LIMK1: variants seen among roughly 807,000 people sequenced by gnomAD.
LIMK1 encodes the protein LIM domain kinase 1.
A neutral mutation model predicts 77.6 loss-of-function variants in LIMK1; 21 were observed. The ratio of observed to expected loss-of-function variants is 0.27; its 90% CI spans 0.19 to 0.39. The LOEUF is 0.39. LIMK1 is among the 10% of genes least tolerant of loss of function. The pLI is 1.00. For synonymous variants in LIMK1, 358 were observed against 370.0 expected, an observed-to-expected ratio of 0.97 and a Z score of 0.37; for missense variants, 696 against 901.6, an observed-to-expected ratio of 0.77 and a Z score of 2.92.
intron 13 of LIMK1, among the ~76,000 whole-genome samples, chr7:74,117,453 A>T (rs1380378093): frequency 1.3e-5 from 2 of 152,134 alleles, no homozygotes; most frequent in African/African-American, 4.8e-5. Context: ...AGTCCCAGGG[A>T]TCAGGACGCA....
At position 74,117,723 on chromosome 7, in the gene LIMK1, T is replaced by G. The variant is rs79234424; in HGVS notation, c.1567+1765T>G. 4.6e-5 allele frequency among the ~76,000 whole-genome samples: 7 copies of G among 152,152 alleles called. No homozygotes were observed. In the East Asian group the frequency reaches 1.4e-3, roughly 29 times the overall value. ...TACTCAGGAAGCCAAAGCGGGAGAT[T>G]TACTTGAGCCAAGGAGATCAAGGCT... On this transcript the variant is annotated intron_variant, in intron 13 of 15. Transcript: ENST00000336180.
At chr7:74,090,334 C>A (rs1357331299) in intron 2 of LIMK1, among the ~76,000 whole-genome samples, 5 of 151,488 alleles carry the variant, frequency 3.3e-5, no homozygotes, top group African/African-American at 1.2e-4. Flanking sequence ...AAGATCGCGC[C>A]ACTGCACTCT....
At position 74,099,208 on chromosome 7, in the gene LIMK1, C is replaced by T. The variant is rs782226834; in HGVS notation, c.578C>T (p.Thr193Ile). The change falls in exon 5 of 16, where the codon ACC becomes ATC. Residue 193 changes from threonine to isoleucine, a missense_variant. Transcript: ENST00000336180. Reference protein sequence around the residue: ...DPPHGPPGCGTEHSHTVRVQG... With the variant: ...DPPHGPPGCGIEHSHTVRVQG... ...CCGCACGGCCCACCGGGCTGTGGCACCGAGCACTCACACACCGTCCGCGTC... is the reference window on the plus strand; with the variant it reads ...CCGCACGGCCCACCGGGCTGTGGCATCGAGCACTCACACACCGTCCGCGTC... 10 of 1,608,746 alleles carry T rather than the reference C, an allele frequency of 6.2e-6. No individual in the cohort carries two copies. In the East Asian group the frequency reaches 8.9e-5, roughly 14 times the overall value.
chr7:74,116,220 C>T (rs1584131808), intron 13 of LIMK1, among the ~76,000 whole-genome samples: 2 of 152,204 alleles, frequency 1.3e-5, no homozygotes, highest in African/African-American at 4.8e-5. Context: ...ATGGTGAAAC[C>T]CCCATTCTTT....
intron 5 of LIMK1, among the ~76,000 whole-genome samples, chr7:74,101,007 G>GATTACA (rs1799448744): frequency 6.6e-6 from 1 of 151,854 alleles, no homozygotes; most frequent in African/African-American, 2.4e-5. Flanking sequence ...AAAGTGCTGC[G>GATTACA]ATTACAGGCA....
chr7:74,116,545 G>A (rs888040106), intron 13 of LIMK1, among the ~76,000 whole-genome samples: 13 of 152,160 alleles, frequency 8.5e-5, no homozygotes, highest in African/African-American at 1.7e-4. Context: ...TGCAGGCTCC[G>A]GGGCACCTGT....
intron 4 of LIMK1, among the ~76,000 whole-genome samples, chr7:74,097,872 A>G (rs1563915440): frequency 6.6e-6 from 1 of 152,216 alleles, no homozygotes; most frequent in African/African-American, 2.4e-5. Context: ...CTACAAATTC[A>G]GGGACTCCCA....
chr7:74,084,135 C>CAGGGG, intron 1 of LIMK1, 90 bp downstream of exon 1: 3 of 615,802 alleles, frequency 4.9e-6, no homozygotes, highest in Non-Finnish European at 5.2e-6. Context: ...TGCCAGGAGG[C>CAGGGG]CGCGCCCCTG....
chr7:74,091,270 T>C (rs1799229338), intron 2 of LIMK1, among the ~76,000 whole-genome samples: 1 of 150,486 alleles, frequency 6.6e-6, no homozygotes, highest in South Asian at 2.2e-4. Context: ...ACGCCTGTAA[T>C]CCCAGCACTT....
intron 9 of LIMK1, among the ~76,000 whole-genome samples, 182 bp from the exon 10 acceptor site, chr7:74,108,723 G>C (rs1799634157): frequency 6.6e-6 from 1 of 151,760 alleles, no homozygotes; most frequent in South Asian, 2.1e-4. Flanking sequence ...GCTGGGGGTG[G>C]GGGCAGCTCA....
At chr7:74,086,252 C>G (rs1027172894) in intron 2 of LIMK1, among the ~76,000 whole-genome samples, 1 of 152,036 alleles carries the variant, frequency 6.6e-6, no homozygotes, top group Non-Finnish European at 1.5e-5. Flanking sequence ...GCCATGTTAG[C>G]CAGGCTGGTC....
chr7:74,096,636 G>A lies in LIMK1; in HGVS notation c.167G>A (p.Ser56Asn). Residue 56 changes from serine (S) to asparagine (N), a missense_variant, in exon 3 of 16, where the codon AGT becomes AAT. This residue lies in a region of LIMK1 where 252 missense variants were observed against 279.4 expected (regional missense o/e 0.90). Coordinates refer to ENST00000336180, the MANE Select transcript of LIMK1 (RefSeq NM_002314.4). ...HADCFRCCDC[S>N]ASLSHQYYEK... ...CTCTCCTGCAGGTGTTGTGACTGCAGTGCCTCCCTGTCGCACCAGTACTAT... is the reference window on the plus strand; with the variant it reads ...CTCTCCTGCAGGTGTTGTGACTGCAATGCCTCCCTGTCGCACCAGTACTAT... 1 of 1,614,070 alleles carries A rather than the reference G, an allele frequency of 6.2e-7. No homozygotes were observed. Among genetic ancestry groups the A allele is most frequent in the African/African-American group, 1.3e-5 (1 of 75,062 alleles).
At chr7:74,103,897 C>T (rs1554696965) in intron 5 of LIMK1, among the ~76,000 whole-genome samples, 3 of 151,880 alleles carry the variant, frequency 2.0e-5, no homozygotes, top group East Asian at 1.9e-4. Flanking sequence ...TGGGCTCAAG[C>T]GATCCTCCTG....
intron 2 of LIMK1, among the ~76,000 whole-genome samples, chr7:74,088,106 G>A (rs1214232527): frequency 6.6e-6 from 1 of 152,058 alleles, no homozygotes; most frequent in African/African-American, 2.4e-5. Context: ...AACGTCTAAC[G>A]TTTTCTAACA....
intron 1 of LIMK1, 94 bp downstream of exon 1, chr7:74,084,139 G>A: frequency 1.8e-6 from 1 of 553,386 alleles, no homozygotes; most frequent in Non-Finnish European, 3.0e-6. Flanking sequence ...AGGAGGCCGC[G>A]CCCCTGCCTC....
At chr7:74,107,570 C>T (rs929120508) in intron 8 of LIMK1, among the ~76,000 whole-genome samples, 1 of 151,650 alleles carries the variant, frequency 6.6e-6, no homozygotes, top group Non-Finnish European at 1.5e-5. Context: ...GTGGTCCCAG[C>T]TACTTGGGAG....
intron 12 of LIMK1, among the ~76,000 whole-genome samples, chr7:74,113,392 G>A (rs563015938): frequency 5.2e-4 from 79 of 152,170 alleles, no homozygotes; most frequent in Non-Finnish European, 1.1e-3. Context: ...TTGGGAGGCC[G>A]AAGTGGGTGG....
In LIMK1 at chr7:74,120,902, G is replaced by A. The variant is rs782125431; in HGVS notation, c.1634G>A (p.Arg545Gln). 68 of 1,614,008 alleles carry A rather than the reference G, an allele frequency of 4.2e-5. No individual in the cohort carries two copies. The highest frequency in any genetic ancestry group is 5.3e-5 in the African/African-American group (4 of 74,920). Residue 545 changes from arginine to glutamine, a missense_variant, in exon 15 of 16, where the codon CGG (arginine) becomes CAG (glutamine). Physicochemically the swap from Arg to Gln is conservative, Grantham distance 43 (BLOSUM62 1). Coordinates refer to ENST00000336180, the MANE Select transcript of LIMK1 (RefSeq NM_002314.4). ...CCTTGTACTGGACAGATCATCGGGC[G>A]GGTGAACGCAGACCCTGACTACCTG... ...FGIVLCEIIG[R>Q]VNADPDYLPR...
At chr7:74,101,795 G>C (rs1465094101) in intron 5 of LIMK1, among the ~76,000 whole-genome samples, 5 of 108,960 alleles carry the variant, frequency 4.6e-5, no homozygotes, top group Admixed American at 2.4e-4. Context: ...ATTTACATAT[G>C]TATGTCATAT....
Sources: allele counts gnomAD v4.1 joint callset (sites outside exome capture counted in the v4.1 genomes callset), GRCh38; gene constraint gnomAD v4.1.1; regional missense constraint gnomAD v4.1.1; transcripts MANE v1.5; gene names NCBI Gene and HGNC (gene_info 2026-07-23, HGNC 2026-07-21).